TEAD1: variants seen among roughly 807,000 people sequenced by gnomAD.
TEAD1 encodes the protein TEA domain transcription factor 1.
Under a neutral mutation model 54.9 loss-of-function variants are expected in TEAD1, and 9 were observed. The observed-to-expected ratio is 0.16, with a 90% CI of 0.10 to 0.29. TEAD1 has a LOEUF of 0.29. TEAD1 is among the 10% of genes least tolerant of loss of function. The probability of loss-of-function intolerance (pLI) is 1.00; values close to 1 mark genes in which losing one functional copy is unlikely to be tolerated. For synonymous variants in TEAD1, 200 were observed against 187.8 expected (o/e 1.07, Z -0.53); for missense variants, 387 against 535.9 (o/e 0.72, Z 2.74).
At position 12,937,176 on chromosome 11, in the gene TEAD1, G is replaced by C. The variant is rs1314392141; in HGVS notation, c.1235G>C (p.Ser412Thr). ...GCCTGTGTGTTTGAAGTTTCAAATA[G>C]TGAACACGGAGCACAACATCATATT... Residue 412 changes from serine to threonine, a missense_variant, in exon 13 of 13, where the codon AGT becomes ACT. Coordinates refer to ENST00000527636, the MANE Select transcript of TEAD1 (RefSeq NM_021961.6). 1 of 1,614,002 alleles carries C rather than the reference G, an allele frequency of 6.2e-7. No homozygotes were observed. The highest frequency in any genetic ancestry group is 1.7e-5 in the Admixed American group (1 of 60,008).
At chr11:12,690,259 A>T (rs1312689347) in intron 2 of TEAD1, among the ~76,000 whole-genome samples, 3 of 151,654 alleles carry the variant, frequency 2.0e-5, no homozygotes, top group Non-Finnish European at 4.4e-5. Context: ...AAAAAAAAAA[A>T]AAAATAATAA....
chr11:12,800,360 C>G (rs754896023), intron 3 of TEAD1, among the ~76,000 whole-genome samples: 1 of 152,184 alleles, frequency 6.6e-6, no homozygotes, highest in Non-Finnish European at 1.5e-5. Context: ...TTCAGTGTAG[C>G]AAGCTTTGAT....
chr11:12,796,474 C>T (rs1945926590), intron 3 of TEAD1, among the ~76,000 whole-genome samples: 1 of 152,066 alleles, frequency 6.6e-6, no homozygotes, highest in Admixed American at 6.5e-5. Flanking sequence ...GCTTGTAATC[C>T]CAGCACTTTG....
intron 6 of TEAD1, 60 bp from the exon 7 acceptor site, chr11:12,880,945 T>C (rs1947954148): frequency 6.3e-7 from 1 of 1,592,570 alleles, no homozygotes; most frequent in African/African-American, 1.3e-5. Context: ...TGCGTAGGCA[T>C]CCTAAACTGT....
intron 2 of TEAD1, among the ~76,000 whole-genome samples, chr11:12,712,349 C>T (rs908766658): frequency 1.1e-4 from 16 of 152,170 alleles, no homozygotes; most frequent in Non-Finnish European, 1.0e-4. Flanking sequence ...ATTGCCTCTT[C>T]CTGTGAGAAC....
chr11:12,750,840 C>G (rs939004184), intron 2 of TEAD1, among the ~76,000 whole-genome samples: 1 of 152,158 alleles, frequency 6.6e-6, no homozygotes, highest in Non-Finnish European at 1.5e-5. Flanking sequence ...CTCATTGATC[C>G]GAGAGACAGA....
At chr11:12,809,838 C>T (rs1031973930) in intron 3 of TEAD1, among the ~76,000 whole-genome samples, 5 of 152,014 alleles carry the variant, frequency 3.3e-5, no homozygotes, top group African/African-American at 7.3e-5. Context: ...TTGTATGCTC[C>T]GAGCCCTGTG....
At chr11:12,809,274 T>C (rs1027545508) in intron 3 of TEAD1, among the ~76,000 whole-genome samples, 1 of 152,196 alleles carries the variant, frequency 6.6e-6, no homozygotes, top group African/African-American at 2.4e-5. Flanking sequence ...TTCCTGGTTC[T>C]TGTTCCTGGT....
At chr11:12,744,991 C>T (rs995829537) in intron 2 of TEAD1, among the ~76,000 whole-genome samples, 12 of 152,212 alleles carry the variant, frequency 7.9e-5, no homozygotes, top group South Asian at 2.1e-4. Context: ...CTAACCTTGT[C>T]GGAAGGTTAC....
chr11:12,857,197 G>C (rs967217976), intron 3 of TEAD1, among the ~76,000 whole-genome samples: 1 of 152,046 alleles, frequency 6.6e-6, no homozygotes, highest in Non-Finnish European at 1.5e-5. Flanking sequence ...ATATTATTTA[G>C]GAAAAAGAAA....
chr11:12,685,776 A>T (rs1230978532), intron 2 of TEAD1, among the ~76,000 whole-genome samples: 3 of 152,234 alleles, frequency 2.0e-5, no homozygotes, highest in Admixed American at 2.0e-4. Context: ...TAACTAAGTC[A>T]TAAAGGATAA....
At chr11:12,691,880 G>C (rs1453826104) in intron 2 of TEAD1, among the ~76,000 whole-genome samples, 1 of 152,074 alleles carries the variant, frequency 6.6e-6, no homozygotes, top group African/African-American at 2.4e-5. Flanking sequence ...AATAAATATT[G>C]ATTGAATTAA....
At chr11:12,820,698 T>C (rs1273929295) in intron 3 of TEAD1, among the ~76,000 whole-genome samples, 1 of 151,868 alleles carries the variant, frequency 6.6e-6, no homozygotes. Context: ...GGGACAGGAC[T>C]AGAAGGGAAC....
intron 3 of TEAD1, among the ~76,000 whole-genome samples, chr11:12,781,632 G>C (rs756372572): frequency 7.3e-4 from 100 of 136,158 alleles, no homozygotes; most frequent in Non-Finnish European, 1.3e-3. Context: ...ATATCTCTTA[G>C]GATGGCTATC....
intron 3 of TEAD1, among the ~76,000 whole-genome samples, chr11:12,765,502 G>A (rs7482524): frequency 0.44 from 66,574 of 151,544 alleles, 15,215 homozygotes; most frequent in South Asian, 0.61. Flanking sequence ...AGTCTTTTTT[G>A]TAATAAGGTG....
At chr11:12,754,088 A>G (rs1355951475) in intron 2 of TEAD1, among the ~76,000 whole-genome samples, 1 of 152,082 alleles carries the variant, frequency 6.6e-6, no homozygotes, top group African/African-American at 2.4e-5. Context: ...TCCTTGGCCT[A>G]TTTTCATTAT....
chr11:12,743,869 TGAG>T (rs1400371926), intron 2 of TEAD1, among the ~76,000 whole-genome samples: 1 of 152,186 alleles, frequency 6.6e-6, no homozygotes, highest in Admixed American at 6.5e-5. Context: ...TGTTGAATAG[TGAG>T]GAGACCTTGG....
At chr11:12,888,602 A>G (rs1352752402) in intron 9 of TEAD1, among the ~76,000 whole-genome samples, 1 of 152,204 alleles carries the variant, frequency 6.6e-6, no homozygotes, top group Non-Finnish European at 1.5e-5. Context: ...CCTTAGAACC[A>G]GCATTTTCTG....
intron 5 of TEAD1, 32 bp downstream of exon 5, chr11:12,864,932 T>A (rs1376225148): frequency 6.2e-7 from 1 of 1,611,928 alleles, no homozygotes; most frequent in East Asian, 2.2e-5. Flanking sequence ...GGCTTGTGGT[T>A]GCTATGCATC....
Sources: gnomAD v4.1 joint callset for allele counts (sites outside exome capture counted in the v4.1 genomes callset) on GRCh38, gnomAD v4.1.1 for gene constraint, MANE v1.5 for transcripts, NCBI Gene and HGNC (gene_info 2026-07-23, HGNC 2026-07-21) for gene names.